The following AP3S1 variants were observed in gnomAD, a reference collection of about 807,000 sequenced individuals.
The protein encoded by AP3S1 is AP-3 complex subunit sigma-1.
A neutral mutation model predicts 21.3 loss-of-function variants in AP3S1; 12 were observed. The observed-to-expected ratio is 0.56, with a 90% CI of 0.36 to 0.91. The LOEUF is 0.91. Ranked by LOEUF, AP3S1 falls within the 40% of genes least tolerant of loss-of-function variation. The pLI, the probability that AP3S1 is intolerant of heterozygous loss-of-function variation, is 0.01. For missense variants in AP3S1, 116 were observed against 225.0 expected, an observed-to-expected ratio of 0.52 and a Z score of 3.10; for synonymous variants, 48 against 78.4, an observed-to-expected ratio of 0.61 and a Z score of 2.05.
At chr5:115,858,444 AT>A (rs1762944014) in intron 1 of AP3S1, among the ~76,000 whole-genome samples, 1 of 152,144 alleles carries the variant, frequency 6.6e-6, no homozygotes. Context: ...AAAGTTGTAG[AT>A]TCCTGTTTTT....
intron 4 of AP3S1, 102 bp from the exon 5 acceptor site, chr5:115,902,783 A>T (rs1751323130): frequency 2.6e-6 from 2 of 778,190 alleles, no homozygotes; most frequent in Non-Finnish European, 2.0e-6. Flanking sequence ...TACCACTCAT[A>T]CTTTTAACAT....
chr5:115,842,319 G>T (rs1198926532), intron 1 of AP3S1, among the ~76,000 whole-genome samples: 4 of 152,176 alleles, frequency 2.6e-5, no homozygotes, highest in Admixed American at 6.5e-5. Context: ...GGCTTTGCCC[G>T]GGCGGTTCCT....
chr5:115,875,578 T>C (rs1748640789), intron 3 of AP3S1, among the ~76,000 whole-genome samples: 1 of 152,190 alleles, frequency 6.6e-6, no homozygotes, highest in African/African-American at 2.4e-5. Context: ...GCAACTCTCC[T>C]GTTGGAGATG....
chr5:115,883,866 A>G (rs1749528252), intron 3 of AP3S1, among the ~76,000 whole-genome samples: 1 of 152,252 alleles, frequency 6.6e-6, no homozygotes, highest in Non-Finnish European at 1.5e-5. Context: ...TTTTGTACAC[A>G]GAAAGAAATT....
chr5:115,898,564 G>T (rs1418035226), intron 4 of AP3S1: 1 of 152,186 alleles, frequency 6.6e-6, no homozygotes, highest in African/African-American at 2.4e-5. Flanking sequence ...CGGGGCTTGG[G>T]TTTTATGGTG....
chr5:115,908,493 A>G (rs1185093505), intron 5 of AP3S1, among the ~76,000 whole-genome samples: 2 of 152,158 alleles, frequency 1.3e-5, no homozygotes, highest in Non-Finnish European at 2.9e-5. Flanking sequence ...TACTTCTACA[A>G]AATTATGGTG....
chr5:115,859,281 C>G lies in AP3S1; in HGVS notation c.70-7389C>G, dbSNP rs114512544. ...AAGTTTGTTTCTCACTTGGATAAAGCCCAGCGTTGGTGTTCTTGGTCAACT... is the reference window on the plus strand; with the variant it reads ...AAGTTTGTTTCTCACTTGGATAAAGGCCAGCGTTGGTGTTCTTGGTCAACT... On this transcript the variant is annotated intron_variant, in intron 1 of 5. Transcript: ENST00000316788. 9.2e-3 allele frequency among the ~76,000 whole-genome samples: 1,404 copies of G among 152,288 alleles called. 11 individuals are homozygous for G. Among genetic ancestry groups the G allele is most frequent in the Non-Finnish European group, 0.015 (1,034 of 68,010 alleles).
At chr5:115,908,705 C>T (rs973907344) in intron 5 of AP3S1, among the ~76,000 whole-genome samples, 4 of 152,036 alleles carry the variant, frequency 2.6e-5, no homozygotes, top group Non-Finnish European at 5.9e-5. Flanking sequence ...AACTGTGAAA[C>T]ACCATAGTTA....
intron 3 of AP3S1, among the ~76,000 whole-genome samples, chr5:115,878,699 T>A (rs987958474): frequency 2.6e-5 from 4 of 152,226 alleles, no homozygotes; most frequent in African/African-American, 9.6e-5. Context: ...TGGTTCCATA[T>A]GAAGTTTAAA....
intron 3 of AP3S1, among the ~76,000 whole-genome samples, chr5:115,889,261 A>C (rs1248880441): frequency 3.9e-5 from 6 of 152,206 alleles, no homozygotes. Context: ...AAAAAGTATG[A>C]CTGCAACATA....
At chr5:115,877,758 T>A (rs907867681) in intron 3 of AP3S1, among the ~76,000 whole-genome samples, 1 of 152,224 alleles carries the variant, frequency 6.6e-6, no homozygotes, top group Non-Finnish European at 1.5e-5. Flanking sequence ...TGGTTCTAGA[T>A]CCTTGAGGAA....
intron 5 of AP3S1, among the ~76,000 whole-genome samples, chr5:115,906,594 G>A (rs1183132169): frequency 6.6e-6 from 1 of 152,060 alleles, no homozygotes; most frequent in African/African-American, 2.4e-5. Flanking sequence ...GATGGGATTC[G>A]GGGGAAGTAT....
chr5:115,845,141 C>A (rs77952784), intron 1 of AP3S1, among the ~76,000 whole-genome samples: 5,105 of 152,140 alleles, frequency 0.034, 317 homozygotes, highest in African/African-American at 0.11. Flanking sequence ...TTTAAGGGGT[C>A]TCTAAGAAGT....
intron 1 of AP3S1, among the ~76,000 whole-genome samples, chr5:115,860,543 C>T (rs1763098850): frequency 6.6e-6 from 1 of 152,172 alleles, no homozygotes; most frequent in Non-Finnish European, 1.5e-5. Flanking sequence ...CCTTATTTTA[C>T]AGTACTCTCT....
At chr5:115,883,417 T>A (rs1225114320) in intron 3 of AP3S1, among the ~76,000 whole-genome samples, 1 of 152,186 alleles carries the variant, frequency 6.6e-6, no homozygotes, top group Admixed American at 6.5e-5. Context: ...GCACCATCCC[T>A]CACAGCACAG....
intron 1 of AP3S1, among the ~76,000 whole-genome samples, chr5:115,862,121 A>G (rs924396610): frequency 3.3e-5 from 5 of 151,704 alleles, no homozygotes; most frequent in Non-Finnish European, 5.9e-5. Context: ...GTCATTTTCA[A>G]CTTTTCTTAT....
At chr5:115,897,495 T>A (rs1299187213) in intron 4 of AP3S1, among the ~76,000 whole-genome samples, 1 of 152,298 alleles carries the variant, frequency 6.6e-6, no homozygotes, top group African/African-American at 2.4e-5. Context: ...TATATTTTTT[T>A]AAATTTCAAC....
At chr5:115,844,580 C>T (rs1207551610) in intron 1 of AP3S1, among the ~76,000 whole-genome samples, 1 of 152,160 alleles carries the variant, frequency 6.6e-6, no homozygotes, top group Non-Finnish European at 1.5e-5. Context: ...ACCCCAGGAA[C>T]TTGTACATAG....
chr5:115,847,576 G>T (rs576682530), intron 1 of AP3S1, among the ~76,000 whole-genome samples: 4 of 152,294 alleles, frequency 2.6e-5, no homozygotes, highest in Admixed American at 2.6e-4. Context: ...CTGAGATTGC[G>T]CCATTGCGCT....
Sources: gnomAD v4.1 joint callset for allele counts (sites outside exome capture counted in the v4.1 genomes callset) on GRCh38, gnomAD v4.1.1 for gene constraint, MANE v1.5 for transcripts, NCBI Gene and HGNC (gene_info 2026-07-23, HGNC 2026-07-21) for gene names.